DENND1B: variants seen among roughly 807,000 people sequenced by gnomAD.
DENND1B encodes DENN domain containing 1B, also known as DENN domain-containing protein 1B.
A neutral mutation model predicts 90.1 loss-of-function variants in DENND1B; 59 were observed. The ratio of observed to expected loss-of-function variants is 0.65; its 90% confidence interval spans 0.53 to 0.81. DENND1B has a LOEUF of 0.81. Among genes scored for constraint, DENND1B ranks in the 40% least tolerant of loss-of-function variants. The pLI is 0.00. For synonymous variants in DENND1B, 337 were observed against 324.6 expected, an observed-to-expected ratio of 1.04 and a Z score of -0.41; for missense variants, 862 against 912.6, an observed-to-expected ratio of 0.94 and a Z score of 0.71.
intron 2 of DENND1B, among the ~76,000 whole-genome samples, chr1:197,721,569 A>G (rs912869083): frequency 1.3e-5 from 2 of 152,170 alleles, no homozygotes; most frequent in African/African-American, 4.8e-5. Flanking sequence ...AATCTGGGCC[A>G]TAAAGTGGGC....
chr1:197,547,451 C>T (rs972531302), intron 16 of DENND1B, among the ~76,000 whole-genome samples: 1 of 152,140 alleles, frequency 6.6e-6, no homozygotes, highest in Non-Finnish European at 1.5e-5. Flanking sequence ...ATCTTTGCAT[C>T]CCTAATCAAC....
At chr1:197,608,603 C>A (rs1353119995) in intron 12 of DENND1B, among the ~76,000 whole-genome samples, 1 of 150,466 alleles carries the variant, frequency 6.6e-6, no homozygotes, top group Non-Finnish European at 1.5e-5. Flanking sequence ...TGATTTTCAT[C>A]TTCAACTTTA....
At chr1:197,727,534 C>CAAAAA (rs371522158) in intron 2 of DENND1B, among the ~76,000 whole-genome samples, 1 of 110,386 alleles carries the variant, frequency 9.1e-6, no homozygotes, top group East Asian at 2.4e-4. Context: ...GACTCCTTCT[C>CAAAAA]AAAAAAAAAA....
At chr1:197,563,769 T>C (rs1672375694) in intron 15 of DENND1B, among the ~76,000 whole-genome samples, 1 of 151,964 alleles carries the variant, frequency 6.6e-6, no homozygotes, top group Non-Finnish European at 1.5e-5. Flanking sequence ...GAAAGTAAAT[T>C]GAAAACCTTC....
At chr1:197,639,747 TA>T (rs1680111364) in intron 10 of DENND1B, among the ~76,000 whole-genome samples, 1 of 152,178 alleles carries the variant, frequency 6.6e-6, no homozygotes, top group African/African-American at 2.4e-5. Flanking sequence ...ACTTTTAATT[TA>T]CATAAATTAC....
intron 21 of DENND1B, 126 bp downstream of exon 21, chr1:197,512,745 G>T: frequency 1.3e-6 from 1 of 779,458 alleles, no homozygotes; most frequent in Non-Finnish European, 2.0e-6. Context: ...TCCTTTTGCT[G>T]AAGAACACTG....
chr1:197,647,614 T>C (rs929259867), intron 7 of DENND1B, among the ~76,000 whole-genome samples: 34 of 152,168 alleles, frequency 2.2e-4, no homozygotes, highest in Admixed American at 5.9e-4. Flanking sequence ...TAATAATTCA[T>C]AGTAAACAAA....
At chr1:197,663,528 C>CACTGT (rs1572238111) in intron 5 of DENND1B, among the ~76,000 whole-genome samples, 1 of 152,030 alleles carries the variant, frequency 6.6e-6, no homozygotes, top group East Asian at 1.9e-4. Context: ...GTTTGGTCAA[C>CACTGT]ACTGTACTGT....
intron 15 of DENND1B, among the ~76,000 whole-genome samples, chr1:197,554,352 T>C (rs918237257): frequency 5.9e-5 from 9 of 152,100 alleles, no homozygotes; most frequent in African/African-American, 2.2e-4. Context: ...ATCTTTTGGA[T>C]GCATCCAAAA....
intron 15 of DENND1B, among the ~76,000 whole-genome samples, chr1:197,560,060 G>A (rs868414976): frequency 3.5e-4 from 53 of 151,906 alleles, no homozygotes; most frequent in African/African-American, 1.2e-3. Context: ...ACTATGAAGA[G>A]TATTAAGAGC....
At chr1:197,542,290 A>C (rs1670390731) in intron 18 of DENND1B, among the ~76,000 whole-genome samples, 1 of 152,222 alleles carries the variant, frequency 6.6e-6, no homozygotes, top group Non-Finnish European at 1.5e-5. Context: ...CTATCAGCAT[A>C]GAAAAACATA....
chr1:197,562,143 C>A (rs77296391), intron 15 of DENND1B, among the ~76,000 whole-genome samples: 1 of 151,998 alleles, frequency 6.6e-6, no homozygotes, highest in East Asian at 1.9e-4. Flanking sequence ...CTTTGAAGAT[C>A]AACATTAGTT....
chr1:197,582,619 T>A (rs1674341872), intron 15 of DENND1B, among the ~76,000 whole-genome samples: 1 of 152,230 alleles, frequency 6.6e-6, no homozygotes, highest in Admixed American at 6.5e-5. Context: ...GTCTAGTTAC[T>A]GCTTTTTTGA....
At chr1:197,614,930 C>T (rs1474801223) in intron 11 of DENND1B, among the ~76,000 whole-genome samples, 1 of 150,992 alleles carries the variant, frequency 6.6e-6, no homozygotes, top group Non-Finnish European at 1.5e-5. Context: ...TTAAGACTGT[C>T]TTGCAACATC....
chr1:197,546,425 C>T (rs1208300331), intron 17 of DENND1B, among the ~76,000 whole-genome samples: 1 of 152,042 alleles, frequency 6.6e-6, no homozygotes, highest in African/African-American at 2.4e-5. Flanking sequence ...ATAAAATTGC[C>T]ATCAAATCCT....
intron 6 of DENND1B, among the ~76,000 whole-genome samples, chr1:197,656,562 A>G (rs1301365504): frequency 2.0e-5 from 3 of 152,184 alleles, no homozygotes; most frequent in Admixed American, 6.5e-5. Context: ...GTAGATGGGA[A>G]GCAGAGGCAG....
chr1:197,635,279 A>T (rs1283804593), intron 10 of DENND1B, among the ~76,000 whole-genome samples: 1 of 152,166 alleles, frequency 6.6e-6, no homozygotes, highest in Non-Finnish European at 1.5e-5. Flanking sequence ...AAATGATTAA[A>T]TTTATTCTTC....
chr1:197,719,641 T>C (rs184029013), intron 2 of DENND1B, among the ~76,000 whole-genome samples: 95 of 152,268 alleles, frequency 6.2e-4, no homozygotes, highest in Admixed American at 7.9e-4. Flanking sequence ...TAGGTAGATA[T>C]CCAACATGGC....
At chr1:197,571,587 T>C (rs1224041227) in intron 15 of DENND1B, among the ~76,000 whole-genome samples, 3 of 152,372 alleles carry the variant, frequency 2.0e-5, no homozygotes, top group Non-Finnish European at 4.4e-5. Flanking sequence ...ATGTCTCATA[T>C]ACTCTGAACT....
Sources: gnomAD v4.1 joint callset for allele counts (sites outside exome capture counted in the v4.1 genomes callset) on GRCh38, gnomAD v4.1.1 for gene constraint, MANE v1.5 for transcripts, NCBI Gene and HGNC (gene_info 2026-07-23, HGNC 2026-07-21) for gene names.